Variants in CRYBA4 observed in about 807,000 individuals in gnomAD.
CRYBA4 encodes the protein crystallin beta A4.
In CRYBA4, 30 loss-of-function variants were observed where a neutral mutation model predicts 31.7. The ratio of observed to expected loss-of-function variants is 0.95; its 90% CI spans 0.71 to 1.28. The LOEUF is 1.28. Among genes scored for constraint, CRYBA4 ranks in the 50% most tolerant of loss-of-function variants. The probability of loss-of-function intolerance (pLI) is 0.00; values close to 1 mark genes in which losing one functional copy is unlikely to be tolerated. For missense variants in CRYBA4, 225 were observed against 260.7 expected (o/e 0.86, Z 0.94); for synonymous variants, 102 against 102.3 (o/e 1.00, Z 0.02).
chr22:26,607,187 T>C, the CRYBA4 span, among the ~76,000 whole-genome samples: 2 of 151,970 alleles, frequency 1.3e-5, no homozygotes, highest in African/African-American at 4.8e-5. Flanking sequence ...CACGCCCGGC[T>C]AATTTTTGTA....
At chr22:26,605,713 C>G in the CRYBA4 span, among the ~76,000 whole-genome samples, 1 of 141,736 alleles carries the variant, frequency 7.1e-6, no homozygotes, top group Non-Finnish European at 1.5e-5. Context: ...AACAGGCCAA[C>G]CAAAATGTCT....
the CRYBA4 span, among the ~76,000 whole-genome samples, chr22:26,607,115 C>T: frequency 2.0e-5 from 3 of 151,064 alleles, no homozygotes; most frequent in East Asian, 2.0e-4. Context: ...CTCTGGCTCC[C>T]GGGTTCAAGT....
At chr22:26,599,857 C>T in the CRYBA4 span, among the ~76,000 whole-genome samples, 2 of 152,348 alleles carry the variant, frequency 1.3e-5, no homozygotes, top group South Asian at 2.1e-4. Context: ...TGATAGGCCT[C>T]GGTTTCCTTT....
the CRYBA4 span, among the ~76,000 whole-genome samples, chr22:26,602,550 C>T: frequency 9.4e-4 from 143 of 151,366 alleles, no homozygotes; most frequent in African/African-American, 3.4e-3. Context: ...ATGATTACAC[C>T]ACTGCACTCC....
Position 26,625,590 on chromosome 22 carries a change from A to T in CRYBA4, c.268A>T (p.Arg90Trp). Residue 90 changes from arginine (R) to tryptophan (W), a missense_variant, in exon 4 of 6, where the codon AGG becomes TGG. Coordinates refer to ENST00000354760, the MANE Select transcript of CRYBA4 (RefSeq NM_001886.3). ...CGGCAACACGGCCTACCCCGCCGAG[A>T]GGCTCACCTCCTTCCGGCCTGCGGC... The part of the protein sequence containing the change: ...WGGNTAYPAE[R>W]LTSFRPAACA... 1 of 1,613,962 alleles carries T rather than the reference A, an allele frequency of 6.2e-7. No individual in the cohort carries two copies. The highest frequency in any genetic ancestry group is 8.5e-7 in the Non-Finnish European group (1 of 1,180,010).
At chr22:26,590,436 A>G in the CRYBA4 span, among the ~76,000 whole-genome samples, 2 of 152,200 alleles carry the variant, frequency 1.3e-5, no homozygotes, top group African/African-American at 4.8e-5. Flanking sequence ...AAAGTGGTGT[A>G]AGAAAAGAAA....
chr22:26,628,215 G>A lies in CRYBA4; in HGVS notation c.301-73G>A, dbSNP rs969425820. On this transcript the variant is annotated intron_variant, in intron 4 of 5. Transcript: ENST00000354760. ...GATTTGGGAGACAAGGGCAGGGAGT[G>A]TGGAGGCCAGGAGAGGCTCCTGGGT... 23 of 1,607,060 alleles carry A rather than the reference G, an allele frequency of 1.4e-5. No homozygotes were observed. The African/African-American group carries it at 2.7e-4, about 19-fold the overall frequency.
chr22:26,624,440 G>C (rs1236293064), intron 3 of CRYBA4, among the ~76,000 whole-genome samples: 1 of 152,250 alleles, frequency 6.6e-6, no homozygotes, highest in Non-Finnish European at 1.5e-5. Flanking sequence ...GATGTGGCCA[G>C]TAGCTACCAT....
At chr22:26,618,246 C>G (rs1929423463), upstream of CRYBA4, among the ~76,000 whole-genome samples, 2 of 152,334 alleles carry the variant, frequency 1.3e-5, no homozygotes, top group Admixed American at 6.5e-5. Flanking sequence ...CCAACCCTAC[C>G]CTGACTCCTT....
the CRYBA4 span, among the ~76,000 whole-genome samples, chr22:26,590,666 G>A: frequency 6.6e-6 from 1 of 152,244 alleles, no homozygotes; most frequent in Middle Eastern, 3.4e-3. Context: ...CATAACTGGG[G>A]AAGTGGAGAG....
chr22:26,608,086 ACTTGC>A, the CRYBA4 span: 1 of 1,612,284 alleles, frequency 6.2e-7, no homozygotes, highest in Non-Finnish European at 8.5e-7. Flanking sequence ...CCCACTCCCT[ACTTGC>A]CTTTCTCTCT....
Position 26,622,006 on chromosome 22 carries a change from G to A in CRYBA4, c.-13+20G>A, listed in dbSNP as rs1029729037. 18 of 985,994 alleles carry A rather than the reference G, an allele frequency of 1.8e-5. No homozygotes were observed. The highest frequency in any genetic ancestry group is 2.2e-5 in the Non-Finnish European group (18 of 830,042). The allele number at this position is 985,994 out of a possible 1,614,324, so 61.1% of individuals were successfully genotyped here. ...ATCTCGGTAAGTCCCAGGTTTGGAG[G>A]AGGGGTGGGATCAGAGTTCTGAGTG... On this transcript the variant is annotated intron_variant, in intron 1 of 5. Coordinates refer to ENST00000354760, the MANE Select transcript of CRYBA4 (RefSeq NM_001886.3).
At chr22:26,611,469 G>GTTT in the CRYBA4 span, among the ~76,000 whole-genome samples, 6 of 133,308 alleles carry the variant, frequency 4.5e-5, no homozygotes, top group South Asian at 2.3e-4. Context: ...TTTTTTTTTT[G>GTTT]TTTTTTTTTT....
intron 4 of CRYBA4, among the ~76,000 whole-genome samples, chr22:26,627,648 T>C (rs113396004): frequency 3.6e-4 from 42 of 116,224 alleles, no homozygotes; most frequent in East Asian, 1.6e-3. Flanking sequence ...CTCTCTCTCT[T>C]TCTTTCTTTC....
At chr22:26,602,894 C>T in the CRYBA4 span, among the ~76,000 whole-genome samples, 3 of 152,006 alleles carry the variant, frequency 2.0e-5, no homozygotes, top group East Asian at 1.9e-4. Context: ...GAGGCCGAGG[C>T]GGGCAGATCA....
At position 26,630,331 on chromosome 22, in the gene CRYBA4, C is replaced by G; in HGVS notation, c.444-9C>G. 6.2e-7 allele frequency: 1 copy of G among 1,614,120 alleles called. No individual in the cohort carries two copies. On this transcript the variant is annotated splice_polypyrimidine_tract_variant and intron_variant, in intron 5 of 5. Transcript: ENST00000354760. ...TGTAGAGTAACTGTCTGCCTTTTCT[C>G]TTTTCCAGCTGGGTTTGCTCCCAGT...
intron 4 of CRYBA4, among the ~76,000 whole-genome samples, chr22:26,626,948 C>T (rs749480369): frequency 2.6e-5 from 4 of 152,184 alleles, no homozygotes; most frequent in Non-Finnish European, 5.9e-5. Flanking sequence ...GCAAATGTGT[C>T]GCAATCATCA....
chr22:26,607,047 G>T, the CRYBA4 span, among the ~76,000 whole-genome samples: 1 of 139,122 alleles, frequency 7.2e-6, no homozygotes, highest in Non-Finnish European at 1.5e-5. Flanking sequence ...TTTTGAGATG[G>T]AGTCTGGCAC....
At chr22:26,597,573 C>T in the CRYBA4 span, among the ~76,000 whole-genome samples, 3 of 152,174 alleles carry the variant, frequency 2.0e-5, no homozygotes, top group Non-Finnish European at 2.9e-5. Flanking sequence ...TCTTTCAAGG[C>T]CCCCTTCAGA....
Sources: allele counts gnomAD v4.1 joint callset (sites outside exome capture counted in the v4.1 genomes callset), GRCh38; gene constraint gnomAD v4.1.1; transcripts MANE v1.5; gene names NCBI Gene and HGNC (gene_info 2026-07-23, HGNC 2026-07-21).